Variants in INO80D observed in about 807,000 individuals in gnomAD.
INO80D encodes the protein INO80 complex subunit D.
INO80D carries 21 observed loss-of-function variants against 87.6 expected under a neutral mutation model. The observed-to-expected ratio is 0.24, with a 90% confidence interval of 0.17 to 0.35. The LOEUF is 0.35. Ranked by LOEUF, INO80D falls within the 10% of genes least tolerant of loss-of-function variation. The pLI, the probability that INO80D is intolerant of heterozygous loss-of-function variation, is 1.00. For missense variants in INO80D, 982 were observed against 1,280.7 expected (o/e 0.77, Z 3.56); for synonymous variants, 440 against 491.0 (o/e 0.90, Z 1.37).
intron 8 of INO80D, among the ~76,000 whole-genome samples, chr2:206,010,996 T>G (rs1688159153): frequency 6.6e-6 from 1 of 150,832 alleles, no homozygotes; most frequent in African/African-American, 2.4e-5. Context: ...CGGAATTGCT[T>G]GAACCCGGGA....
chr2:206,067,449 T>A (rs1689849761), intron 1 of INO80D, among the ~76,000 whole-genome samples: 1 of 152,008 alleles, frequency 6.6e-6, no homozygotes, highest in African/African-American at 2.4e-5. Context: ...TTTGAATAGC[T>A]AGAAGGAGGA....
Position 206,004,776 on chromosome 2 carries a change from A to C in INO80D, c.2676T>G (p.Asn892Lys), listed in dbSNP as rs1417759645. 1 of 1,613,676 alleles carries C rather than the reference A, an allele frequency of 6.2e-7. No homozygotes were observed. Among genetic ancestry groups the C allele is most frequent in the African/African-American group, 1.3e-5 (1 of 74,840 alleles). Residue 892 changes from asparagine to lysine, a missense_variant, in exon 11 of 11, where the codon AAT becomes AAG. Coordinates refer to ENST00000403263, the MANE Select transcript of INO80D (RefSeq NM_017759.5). This position sits in a 1 kb window ranked among gnomAD's most constrained non-coding sequence, Gnocchi z 4.9. ...GVVNPRTHWG[N>K]LPVNLGDPSP... ...AGGGGTCTCCAAGGTTGACAGGGAG[A>C]TTGCCCCAGTGAGTTCTGGGGTTTA...
At chr2:206,067,251 A>G (rs778179881) in intron 1 of INO80D, among the ~76,000 whole-genome samples, 18 of 152,094 alleles carry the variant, frequency 1.2e-4, no homozygotes, top group Non-Finnish European at 4.4e-5. Context: ...TCTCCAAAAA[A>G]AAAAAAAGAA....
chr2:206,025,033 G>A (rs1250507284), intron 6 of INO80D, among the ~76,000 whole-genome samples: 1 of 151,956 alleles, frequency 6.6e-6, no homozygotes, highest in Admixed American at 6.6e-5. Context: ...TGGGATTACA[G>A]GCATGAGCCA....
At position 206,076,996 on chromosome 2, in the gene INO80D, G is replaced by A. The variant is rs545311293; in HGVS notation, c.-124+8905C>T. On this transcript the variant is annotated intron_variant, in intron 1 of 10. Coordinates refer to ENST00000403263, the MANE Select transcript of INO80D (RefSeq NM_017759.5). ...TTAATATTAACTACCATTAGAAGCC[G>A]GGCGCGGTGGCTCACGCCTGTAATC... Among the ~76,000 whole-genome samples, 11 of 152,220 alleles carry A rather than the reference G, an allele frequency of 7.2e-5. No individual in the cohort carries two copies. The South Asian group carries it at 8.3e-4, about 11-fold the overall frequency.
intron 1 of INO80D, among the ~76,000 whole-genome samples, chr2:206,081,332 G>C (rs1690278339): frequency 6.6e-6 from 1 of 152,178 alleles, no homozygotes; most frequent in African/African-American, 2.4e-5. Context: ...GTTATCCTTT[G>C]AGTGGGAAAA....
chr2:206,050,505 A>G (rs1689328200), intron 4 of INO80D, among the ~76,000 whole-genome samples: 1 of 71,630 alleles, frequency 1.4e-5, no homozygotes, highest in Non-Finnish European at 4.1e-5. Context: ...AGAAAAAAAA[A>G]AAAAAAAAAA....
chr2:206,050,020 C>G (rs916376597), intron 4 of INO80D, among the ~76,000 whole-genome samples: 1 of 152,000 alleles, frequency 6.6e-6, no homozygotes, highest in Non-Finnish European at 1.5e-5. Context: ...GTAATCCTAG[C>G]TACTCAGGAG....
intron 7 of INO80D, among the ~76,000 whole-genome samples, chr2:206,019,412 T>C (rs1022030281): frequency 6.6e-5 from 10 of 152,236 alleles, no homozygotes; most frequent in African/African-American, 2.4e-4. Context: ...GATTTGATTT[T>C]TTCCATTAAT....
intron 5 of INO80D, among the ~76,000 whole-genome samples, chr2:206,044,545 C>G (rs962154665): frequency 6.8e-6 from 1 of 147,212 alleles, no homozygotes; most frequent in Admixed American, 6.8e-5. Flanking sequence ...AGCAGAGTAT[C>G]GTAGTAATCA....
chr2:206,006,804 T>C (rs1377053164), intron 10 of INO80D, among the ~76,000 whole-genome samples: 5 of 152,046 alleles, frequency 3.3e-5, no homozygotes, highest in Admixed American at 6.5e-5. Flanking sequence ...CCCAGCACTT[T>C]GGGAGGCCAA....
rs10166876 is a variant in INO80D, at chr2:206,049,290, G to A, written c.965-2678C>T. On this transcript the variant is annotated intron_variant, in intron 4 of 10. Transcript: ENST00000403263. The stretch of plus-strand genomic sequence containing the variant: ...CTAAGATGACTATCTAAAATGTCAG[G>A]TCACCTTTAAAAATGAGTTACTTTC... 2.3e-3 allele frequency among the ~76,000 whole-genome samples: 347 copies of A among 152,200 alleles called. 3 individuals are homozygous for A. The highest frequency in any genetic ancestry group is 8.1e-3 in the African/African-American group (335 of 41,520).
intron 7 of INO80D, among the ~76,000 whole-genome samples, chr2:206,018,896 C>T (rs1036997386): frequency 2.0e-5 from 3 of 152,186 alleles, no homozygotes; most frequent in East Asian, 1.9e-4. Context: ...GAGTGAGATC[C>T]TGCCTCTAAA....
intron 6 of INO80D, among the ~76,000 whole-genome samples, chr2:206,023,220 T>C (rs570158124): frequency 6.6e-6 from 1 of 151,652 alleles, no homozygotes; most frequent in Non-Finnish European, 1.5e-5. Flanking sequence ...AAAAAATTAA[T>C]AAAGGGTCCA....
chr2:206,034,738 A>T (rs956395982), intron 5 of INO80D, among the ~76,000 whole-genome samples: 1 of 152,180 alleles, frequency 6.6e-6, no homozygotes, highest in Non-Finnish European at 1.5e-5. Flanking sequence ...TGGAAGTCCT[A>T]GCCAGAGCAA....
At chr2:206,076,356 A>G (rs1392868513) in intron 1 of INO80D, among the ~76,000 whole-genome samples, 2 of 152,208 alleles carry the variant, frequency 1.3e-5, no homozygotes, top group Non-Finnish European at 2.9e-5. Context: ...ACGTTTTTCC[A>G]TGTTATGTAC....
intron 7 of INO80D, among the ~76,000 whole-genome samples, chr2:206,018,694 G>C (rs978030616): frequency 6.6e-6 from 1 of 152,106 alleles, no homozygotes; most frequent in Non-Finnish European, 1.5e-5. Context: ...GCTAAGGTGG[G>C]TTGATTTATT....
At chr2:206,083,782 G>C (rs1575904990) in intron 1 of INO80D, among the ~76,000 whole-genome samples, 5 of 145,170 alleles carry the variant, frequency 3.4e-5, no homozygotes, top group Non-Finnish European at 7.4e-5. Flanking sequence ...CAGAATGTGG[G>C]ACATCTCCTG....
At chr2:206,075,113 T>C (rs983771524) in intron 1 of INO80D, among the ~76,000 whole-genome samples, 1 of 152,048 alleles carries the variant, frequency 6.6e-6, no homozygotes, top group Admixed American at 6.6e-5. Context: ...TCATTTCCAT[T>C]GTTTCTTACT....
Sources: allele counts gnomAD v4.1 joint callset (sites outside exome capture counted in the v4.1 genomes callset), GRCh38; gene constraint gnomAD v4.1.1; non-coding constraint Gnocchi (gnomAD v3.1); transcripts MANE v1.5; gene names NCBI Gene and HGNC (gene_info 2026-07-23, HGNC 2026-07-21).